EXD2: variants seen among roughly 807,000 people sequenced by gnomAD.
EXD2 encodes exonuclease 3'-5' domain-containing protein 2.
EXD2 carries 40 observed loss-of-function variants against 62.5 expected under a neutral mutation model. That is an observed-to-expected ratio of 0.64 (90% confidence interval 0.50 to 0.83). EXD2 has a LOEUF of 0.83. EXD2 is among the 40% of genes least tolerant of loss of function. EXD2 has a pLI of 0.00. For missense variants in EXD2, 671 were observed against 761.8 expected (o/e 0.88, Z 1.40); for synonymous variants, 239 against 291.9 (o/e 0.82, Z 1.85).
chr14:69,221,910 A>T (rs997240313), intron 3 of EXD2, among the ~76,000 whole-genome samples: 8 of 13,202 alleles, frequency 6.1e-4, no homozygotes, highest in African/African-American at 1.0e-3. Context: ...TGTCTCTACT[A>T]AAAAAAAAAA....
chr14:69,234,787 G>T lies in EXD2; in HGVS notation c.805G>T (p.Glu269Ter), dbSNP rs750146788. The change falls in exon 6 of 10, where the codon GAA (glutamate) becomes TAA (stop). Residue 269 changes from glutamate (E) to a stop codon, truncating the protein, a stop_gained. Transcript: ENST00000685843. LOFTEE classifies it high-confidence loss of function. ...CCCTTTCTCTAGGAATTCACCTGGA[G>T]AAAAAAACGATGACCACAGTAGCTG... The part of the protein sequence containing the change: ...GYPFSRNSPG[E>*]KNDDHSSWRK... 8.1e-6 allele frequency: 13 copies of T among 1,614,060 alleles called. No homozygotes were observed. The East Asian group carries it at 1.3e-4, about 17-fold the overall frequency.
At chr14:69,198,773 C>G (rs1234531421) in intron 1 of EXD2, among the ~76,000 whole-genome samples, 1 of 152,140 alleles carries the variant, frequency 6.6e-6, no homozygotes, top group East Asian at 1.9e-4. Context: ...TTACACGAAC[C>G]TAGATGGAAT....
intron 3 of EXD2, among the ~76,000 whole-genome samples, chr14:69,222,315 C>T (rs941050426): frequency 1.3e-5 from 2 of 151,518 alleles, no homozygotes; most frequent in African/African-American, 2.4e-5. Context: ...TAATTGATTT[C>T]TACTCTTATG....
At chr14:69,221,909 T>TAAAAAAAAA (rs60647735) in intron 3 of EXD2, among the ~76,000 whole-genome samples, 1 of 52,056 alleles carries the variant, frequency 1.9e-5, no homozygotes, top group Non-Finnish European at 3.3e-5. Flanking sequence ...CTGTCTCTAC[T>TAAAAAAAAA]AAAAAAAAAA....
chr14:69,205,394 G>A (rs2042556861), intron 2 of EXD2, among the ~76,000 whole-genome samples: 1 of 151,934 alleles, frequency 6.6e-6, no homozygotes, highest in Non-Finnish European at 1.5e-5. Context: ...ACATTCTGGT[G>A]ACTTCCTCAG....
intron 3 of EXD2, among the ~76,000 whole-genome samples, chr14:69,211,956 A>G (rs1027887988): frequency 8.5e-5 from 13 of 152,348 alleles, no homozygotes; most frequent in African/African-American, 3.1e-4. Context: ...CTCAGGTTGG[A>G]TTCCACATTT....
Position 69,209,568 on chromosome 14 carries a change from G to A in EXD2, c.98G>A (p.Arg33Lys). Reference protein sequence around the residue: ...VLWKGIQRRRRSKTSPVTQQP... With the variant: ...VLWKGIQRRRKSKTSPVTQQP... ...TGGAAAGGCATCCAGCGCCGCCGAAGGAGTAAAACGAGTCCTGTGACCCAA... is the reference window on the plus strand; with the variant it reads ...TGGAAAGGCATCCAGCGCCGCCGAAAGAGTAAAACGAGTCCTGTGACCCAA... The change falls in exon 3 of 10, where the codon AGG (arginine) becomes AAG (lysine). Residue 33 changes from arginine to lysine, a missense_variant. Arg to Lys is a conservative substitution (Grantham distance 26). Coordinates refer to ENST00000685843, the MANE Select transcript of EXD2 (RefSeq NM_001193360.2). The A allele has an allele frequency of 1.3e-6, 2 of 1,550,562 alleles. No individual in the cohort carries two copies. Among genetic ancestry groups the A allele is most frequent in the Non-Finnish European group, 1.7e-6 (2 of 1,147,002 alleles).
intron 1 of EXD2, among the ~76,000 whole-genome samples, chr14:69,197,992 A>G (rs1270478453): frequency 2.0e-5 from 3 of 152,208 alleles, no homozygotes; most frequent in Non-Finnish European, 4.4e-5. Flanking sequence ...GACAGCTGCT[A>G]TCATACATCT....
intron 1 of EXD2, among the ~76,000 whole-genome samples, chr14:69,197,505 G>C (rs2042247092): frequency 1.3e-5 from 2 of 151,966 alleles, no homozygotes; most frequent in African/African-American, 4.8e-5. Flanking sequence ...TGTTATGCTG[G>C]AGTTTGGGGT....
intron 4 of EXD2, 22 bp downstream of exon 4, chr14:69,229,094 G>A: frequency 6.2e-7 from 1 of 1,611,256 alleles, no homozygotes; most frequent in South Asian, 1.1e-5. Context: ...ATGAATGCTG[G>A]GATTCCTATA....
At chr14:69,237,325 A>T (rs1422012001) in intron 8 of EXD2, among the ~76,000 whole-genome samples, 2 of 152,074 alleles carry the variant, frequency 1.3e-5, no homozygotes, top group East Asian at 3.9e-4. Context: ...ACCTGTCACT[A>T]TGCTGGCCCA....
chr14:69,201,711 CTTGCTCTG>C, intron 1 of EXD2, among the ~76,000 whole-genome samples: 1 of 101,260 alleles, frequency 9.9e-6, no homozygotes, highest in South Asian at 3.4e-4. Context: ...GAGACAGAGT[CTTGCTCTG>C]TTGCCCAGGC....
chr14:69,233,412 AAATTT>A (rs2043655192), intron 5 of EXD2, among the ~76,000 whole-genome samples: 1 of 150,888 alleles, frequency 6.6e-6, no homozygotes, highest in South Asian at 2.1e-4. Flanking sequence ...TTTTTTTTTT[AAATTT>A]AATTTAATTA....
chr14:69,208,942 C>T (rs2042711798), intron 2 of EXD2: 1 of 152,334 alleles, frequency 6.6e-6, no homozygotes, highest in African/African-American at 2.4e-5. Context: ...AGTCTCCCTA[C>T]CAACTGACTG....
chr14:69,207,241 C>G (rs767383377), intron 2 of EXD2, among the ~76,000 whole-genome samples: 1 of 151,952 alleles, frequency 6.6e-6, no homozygotes, highest in Non-Finnish European at 1.5e-5. Flanking sequence ...CACCTGTAAT[C>G]ACAGCATTTT....
At chr14:69,228,584 T>C (rs537343524) in intron 3 of EXD2, among the ~76,000 whole-genome samples, 2 of 152,196 alleles carry the variant, frequency 1.3e-5, no homozygotes, top group Non-Finnish European at 1.5e-5. Flanking sequence ...TATGGACTTA[T>C]ATTTCAGACC....
intron 5 of EXD2, 57 bp downstream of exon 5, chr14:69,230,655 G>A: frequency 6.5e-7 from 1 of 1,538,028 alleles, no homozygotes; most frequent in Non-Finnish European, 8.7e-7. Context: ...AAGTATAACT[G>A]TTTATAAAAT....
At chr14:69,194,142 CTTT>C (rs10716345) in intron 1 of EXD2, among the ~76,000 whole-genome samples, 5 of 136,420 alleles carry the variant, frequency 3.7e-5, no homozygotes, top group African/African-American at 2.7e-5. Flanking sequence ...TCAGTCCATT[CTTT>C]TTTTTTTTTT....
chr14:69,194,126 G>A (rs1452591821), intron 1 of EXD2, among the ~76,000 whole-genome samples: 1 of 144,116 alleles, frequency 6.9e-6, no homozygotes, highest in Non-Finnish European at 1.5e-5. Context: ...CTGTCACCTC[G>A]AACAGTCAGT....
Sources: gnomAD v4.1 joint callset for allele counts (sites outside exome capture counted in the v4.1 genomes callset) on GRCh38, gnomAD v4.1.1 for gene constraint, MANE v1.5 for transcripts, NCBI Gene and HGNC (gene_info 2026-07-23, HGNC 2026-07-21) for gene names.